PC: variants seen among roughly 807,000 people sequenced by gnomAD.
The protein encoded by PC is pyruvate carboxylase, also known as pyruvate carboxylase, mitochondrial.
Under a neutral mutation model 107.8 loss-of-function variants are expected in PC, and 46 were observed. The observed-to-expected ratio is 0.43, with a 90% CI of 0.34 to 0.55. The LOEUF (loss-of-function observed/expected upper bound fraction) is 0.55, where lower values mean the gene tolerates loss of function less well. PC is among the 20% of genes least tolerant of loss of function. The probability of loss-of-function intolerance (pLI) is 0.04; values close to 1 mark genes in which losing one functional copy is unlikely to be tolerated. For missense variants in PC, 1,241 were observed against 1,643.1 expected (o/e 0.76, Z 4.23); for synonymous variants, 662 against 684.7 (o/e 0.97, Z 0.52).
rs745914162 is a variant in PC, at chr11:66,870,828, A to G, written c.698T>C (p.Leu233Pro). The G allele has an allele frequency of 6.2e-7, 1 of 1,613,672 alleles. No individual in the cohort carries two copies. Among genetic ancestry groups the G allele is most frequent in the Non-Finnish European group, 8.5e-7 (1 of 1,179,982 alleles). ...EALAAFGNGA[L>P]FVEKFIEKPR... The stretch of plus-strand genomic sequence containing the variant: ...CTTCTCGATGAACTTCTCCACAAAC[A>G]GCGCCCCATTCCCAAAGGCGGCCAG... The change falls in exon 8 of 23, where the codon CTG becomes CCG. Residue 233 changes from leucine (L) to proline (P), a missense_variant. Physicochemically the swap from Leu to Pro is moderately conservative, Grantham distance 98. Transcript: ENST00000393960. This position sits in a 1 kb window ranked among gnomAD's most constrained non-coding sequence, Gnocchi z 6.1.
chr11:66,861,654 G>A (rs1406522552), intron 12 of PC, among the ~76,000 whole-genome samples: 1 of 151,864 alleles, frequency 6.6e-6, no homozygotes, highest in Non-Finnish European at 1.5e-5. Context: ...AGGGTGGGTG[G>A]GCACAGACGG....
At position 66,849,038 on chromosome 11, in the gene PC, TTGGCCACCTTGGCCCC is replaced by T; in HGVS notation, c.3382_3397del (p.Gly1128ArgfsTer11). The T allele has an allele frequency of 1.2e-6, 2 of 1,614,074 alleles. No individual in the cohort carries two copies. The highest frequency in any genetic ancestry group is 1.7e-6 in the Non-Finnish European group (2 of 1,180,038). ...ACTGAGCACACACAGGGGCTGGCCC[TTGGCCACCTTGGCCCC>T]TGCCACCACTTTGATGTCTATCACC... On this transcript the variant is annotated frameshift_variant, in exon 23 of 23. Transcript: ENST00000393960. LOFTEE classifies it high-confidence loss of function.
intron 2 of PC, among the ~76,000 whole-genome samples, chr11:66,953,248 T>C (rs1949480929): frequency 6.6e-6 from 1 of 152,208 alleles, no homozygotes; most frequent in African/African-American, 2.4e-5. Flanking sequence ...TTTCTCTGCA[T>C]CTCCGCAGAG....
At chr11:66,911,370 C>A (rs571942892) in intron 3 of PC, among the ~76,000 whole-genome samples, 2 of 151,242 alleles carry the variant, frequency 1.3e-5, no homozygotes, top group African/African-American at 4.9e-5. Flanking sequence ...TTTCTTCCCC[C>A]ACTAGACCAG....
At chr11:66,958,145 C>G (rs1215083040) in intron 1 of PC, 177 bp downstream of exon 1, 1 of 151,736 alleles carries the variant, frequency 6.6e-6, no homozygotes, top group Non-Finnish European at 1.5e-5. Context: ...TCCGCTGCGT[C>G]GCGTCGCGCA....
rs572319723 is a variant in PC at position 66,848,729 on chromosome 11, T to C, written c.*170A>G. ...AGCTGTCCGCCGGAGGAAAGGACGA[T>C]GGCTGAAAGGAATGAACCACCGCAG... On this transcript the variant is annotated 3_prime_UTR_variant, in exon 23 of 23. Transcript: ENST00000393960. 2.4e-5 allele frequency: 18 copies of C among 760,586 alleles called. No homozygotes were observed. The highest frequency in any genetic ancestry group is 1.6e-4 in the Admixed American group (7 of 44,114). 47.1% of individuals were successfully genotyped at this position (760,586 alleles called of 1,614,324 possible).
intron 3 of PC, among the ~76,000 whole-genome samples, chr11:66,920,352 T>C (rs1948564036): frequency 6.6e-6 from 1 of 152,068 alleles, no homozygotes. Context: ...TTCTTTTTCC[T>C]GCCACAAGCC....
At chr11:66,890,027 A>C (rs1267519114) in intron 3 of PC, among the ~76,000 whole-genome samples, 2 of 152,238 alleles carry the variant, frequency 1.3e-5, no homozygotes, top group Non-Finnish European at 2.9e-5. Flanking sequence ...TACATGCCGA[A>C]TGAGGGACTG....
intron 3 of PC, among the ~76,000 whole-genome samples, chr11:66,950,366 C>G (rs1164145539): frequency 6.6e-6 from 1 of 152,214 alleles, no homozygotes; most frequent in Non-Finnish European, 1.5e-5. Flanking sequence ...CCCAGCTGTC[C>G]CGTGCCCTCC....
intron 3 of PC, among the ~76,000 whole-genome samples, chr11:66,941,648 T>G (rs1327581357): frequency 6.6e-6 from 1 of 152,092 alleles, no homozygotes; most frequent in Non-Finnish European, 1.5e-5. Context: ...CCCGCCACCA[T>G]GCCCAGCTAA....
At chr11:66,936,259 A>T (rs564172752) in intron 3 of PC, among the ~76,000 whole-genome samples, 1 of 151,676 alleles carries the variant, frequency 6.6e-6, no homozygotes, top group South Asian at 2.1e-4. Flanking sequence ...ACACACACAA[A>T]AAAAAGGTGG....
chr11:66,914,960 A>T (rs1948431037), intron 3 of PC, among the ~76,000 whole-genome samples: 1 of 152,062 alleles, frequency 6.6e-6, no homozygotes, highest in South Asian at 2.1e-4. Context: ...AGCCTGGGGG[A>T]GTTCAAGGCT....
intron 20 of PC, 37 bp from the exon 21 acceptor site, chr11:66,849,896 C>T (rs369240322): frequency 6.2e-7 from 1 of 1,613,572 alleles, no homozygotes; most frequent in South Asian, 1.1e-5. Context: ...CCAAGTCCTG[C>T]ATCCAGCCCC....
chr11:66,924,619 T>A (rs1426420687), intron 3 of PC, among the ~76,000 whole-genome samples: 1 of 151,968 alleles, frequency 6.6e-6, no homozygotes, highest in Non-Finnish European at 1.5e-5. Flanking sequence ...CCTGGCTAAT[T>A]TCTTATAGAT....
intron 3 of PC, among the ~76,000 whole-genome samples, chr11:66,904,793 G>A (rs192256216): frequency 2.6e-5 from 4 of 152,322 alleles, no homozygotes; most frequent in East Asian, 1.9e-4. Flanking sequence ...GGAAGGGAAC[G>A]GCATTAAGAG....
intron 3 of PC, among the ~76,000 whole-genome samples, chr11:66,943,415 T>TG (rs752540494): frequency 6.6e-6 from 1 of 152,088 alleles, no homozygotes; most frequent in Non-Finnish European, 1.5e-5. Flanking sequence ...GCCTTGATCT[T>TG]GGACTTCTCA....
Position 66,884,513 on chromosome 11 carries a change from A to G in PC, c.1-12354T>C, listed in dbSNP as rs1019074752. On this transcript the variant is annotated intron_variant, in intron 3 of 22. Transcript: ENST00000393960. ...AGGCTTGGCCCCTCCTGGGAACAGC[A>G]CACACACACTAGTGGGACACACAAA... 3.9e-5 allele frequency among the ~76,000 whole-genome samples: 6 copies of G among 152,330 alleles called. No individual in the cohort carries two copies. In the East Asian group the frequency reaches 1.2e-3, roughly 29 times the overall value.
At chr11:66,862,330 C>T (rs997425184) in intron 12 of PC, among the ~76,000 whole-genome samples, 1 of 152,206 alleles carries the variant, frequency 6.6e-6, no homozygotes, top group African/African-American at 2.4e-5. Context: ...GCTGGCCACA[C>T]ACACAGGCAT....
At chr11:66,948,957 TA>T (rs1213722715) in intron 3 of PC, among the ~76,000 whole-genome samples, 2 of 152,048 alleles carry the variant, frequency 1.3e-5, no homozygotes, top group Non-Finnish European at 2.9e-5. Context: ...AGGGTTTTTT[TA>T]ATCAGAAAAA....
Sources: gnomAD v4.1 joint callset for allele counts (sites outside exome capture counted in the v4.1 genomes callset) on GRCh38, gnomAD v4.1.1 for gene constraint, Gnocchi (gnomAD v3.1) non-coding constraint, MANE v1.5 for transcripts, NCBI Gene and HGNC (gene_info 2026-07-23, HGNC 2026-07-21) for gene names.